The following GPM6A variants were observed in gnomAD, a reference collection of about 807,000 sequenced individuals.
GPM6A encodes glycoprotein M6A, also known as neuronal membrane glycoprotein M6-a.
Under a neutral mutation model 32.1 loss-of-function variants are expected in GPM6A, and 7 were observed. The observed-to-expected ratio is 0.22, with a 90% confidence interval of 0.12 to 0.41. The LOEUF (loss-of-function observed/expected upper bound fraction) is 0.41. GPM6A is among the 10% of genes least tolerant of loss of function. GPM6A has a pLI of 1.00. For synonymous variants in GPM6A, 130 were observed against 123.4 expected, an observed-to-expected ratio of 1.05 and a Z score of -0.35; for missense variants, 235 against 347.2, an observed-to-expected ratio of 0.68 and a Z score of 2.57.
rs114223045 is a variant in GPM6A at position 175,940,951 on chromosome 4, A to G, written c.-23+61358T>C. ...TGGCACAGTTAAGTTAGAAATACTG[A>G]AATAGGAGCTAAAAAGCCAGATTAA... is the stretch of plus-strand genomic sequence containing the variant. On this transcript the variant is annotated intron_variant, in intron 1 of 7. Transcript: ENST00000280187. Among the ~76,000 whole-genome samples the G allele has an allele frequency of 3.7e-3, 567 of 152,350 alleles. 6 individuals are homozygous for G. Among genetic ancestry groups the G allele is most frequent in the African/African-American group, 0.013 (548 of 41,570 alleles).
intron 6 of GPM6A, among the ~76,000 whole-genome samples, chr4:175,637,437 A>T (rs1397816073): frequency 1.3e-4 from 11 of 84,620 alleles, no homozygotes; most frequent in African/African-American, 5.1e-4. Context: ...TATATATATA[A>T]AAATATATGG....
upstream of GPM6A, chr4:175,812,306 T>TTTG (rs1734959011): frequency 4.8e-6 from 5 of 1,039,334 alleles, 1 homozygote; most frequent in African/African-American, 1.3e-4. Context: ...TGGGGGTTTT[T>TTTG]TTTTTTTTTT....
chr4:175,934,762 T>A (rs1476738970), intron 1 of GPM6A, among the ~76,000 whole-genome samples: 2 of 152,242 alleles, frequency 1.3e-5, no homozygotes, highest in African/African-American at 4.8e-5. Context: ...CTTCCATTTA[T>A]AATGCTGAAG....
chr4:175,711,804 C>A (rs1043249389), intron 1 of GPM6A, among the ~76,000 whole-genome samples: 15 of 151,920 alleles, frequency 9.9e-5, no homozygotes, highest in African/African-American at 3.4e-4. Flanking sequence ...TAGCAGGACT[C>A]CATCTCACTT....
chr4:175,902,901 T>C (rs1738012251), intron 1 of GPM6A, among the ~76,000 whole-genome samples: 1 of 152,218 alleles, frequency 6.6e-6, no homozygotes, highest in East Asian at 1.9e-4. Context: ...TCCGTTATGA[T>C]TCCATTTTTA....
intron 1 of GPM6A, among the ~76,000 whole-genome samples, chr4:175,842,306 G>A (rs1735961654): frequency 6.6e-6 from 1 of 152,052 alleles, no homozygotes; most frequent in Non-Finnish European, 1.5e-5. Flanking sequence ...AGATTTTAAA[G>A]GTGTTACTAT....
intron 1 of GPM6A, among the ~76,000 whole-genome samples, chr4:175,874,339 T>A (rs1684826987): frequency 6.6e-6 from 1 of 152,188 alleles, no homozygotes; most frequent in Non-Finnish European, 1.5e-5. Flanking sequence ...TTGAATGTAA[T>A]GCTGCAAAAG....
At chr4:175,831,349 T>C (rs568903371) in intron 1 of GPM6A, among the ~76,000 whole-genome samples, 1 of 152,330 alleles carries the variant, frequency 6.6e-6, no homozygotes, top group East Asian at 1.9e-4. Flanking sequence ...AACATTGACT[T>C]CTTCGGTACA....
intron 1 of GPM6A, among the ~76,000 whole-genome samples, chr4:175,725,337 G>T (rs1746350040): frequency 6.6e-6 from 1 of 150,790 alleles, no homozygotes; most frequent in African/African-American, 2.4e-5. Flanking sequence ...TGTCACCCAG[G>T]CTGGAGTGCA....
chr4:175,970,522 C>G (rs1469538790), intron 1 of GPM6A, among the ~76,000 whole-genome samples: 2 of 152,072 alleles, frequency 1.3e-5, no homozygotes, highest in African/African-American at 2.4e-5. Context: ...AAATAGAGGG[C>G]TACAAGGAAT....
rs562175313 is a variant in GPM6A at position 175,658,183 on chromosome 4, A to T, written c.388-6196T>A. ...AAGCCAAAATGTCCTTCAGTAGATA[A>T]ACAGATATATAAACCCCAGCACATC... On this transcript the variant is annotated intron_variant, in intron 3 of 6. Transcript: ENST00000393658. Among the ~76,000 whole-genome samples the T allele has an allele frequency of 5.3e-5, 8 of 152,306 alleles. No homozygotes were observed. In the East Asian group the frequency reaches 1.5e-3, roughly 29 times the overall value.
intron 1 of GPM6A, among the ~76,000 whole-genome samples, chr4:175,782,487 T>C (rs1733648782): frequency 6.6e-6 from 1 of 152,146 alleles, no homozygotes; most frequent in Non-Finnish European, 1.5e-5. Context: ...TCCCCTTACA[T>C]ATCTCTAATA....
At chr4:175,914,620 C>A (rs1738430938) in intron 1 of GPM6A, among the ~76,000 whole-genome samples, 1 of 152,012 alleles carries the variant, frequency 6.6e-6, no homozygotes, top group Non-Finnish European at 1.5e-5. Flanking sequence ...ACCGCGTCCG[C>A]CTGCAAATCT....
chr4:175,948,316 C>T (rs2126366136), intron 1 of GPM6A, among the ~76,000 whole-genome samples: 1 of 152,212 alleles, frequency 6.6e-6, no homozygotes, highest in South Asian at 2.1e-4. Context: ...AATTAGTTTC[C>T]ATAAGAAAAG....
chr4:175,981,221 AG>A (rs1162942671), intron 1 of GPM6A, among the ~76,000 whole-genome samples: 6 of 152,194 alleles, frequency 3.9e-5, no homozygotes, highest in African/African-American at 4.8e-5. Flanking sequence ...AAATCAACCA[AG>A]GGCAAAGTTT....
intron 1 of GPM6A, among the ~76,000 whole-genome samples, chr4:175,974,250 T>C (rs949705993): frequency 8.6e-5 from 13 of 151,936 alleles, no homozygotes; most frequent in African/African-American, 3.1e-4. Context: ...AATAAATAAA[T>C]AAAAATAAAA....
At chr4:175,954,381 C>T (rs1739916829) in intron 1 of GPM6A, among the ~76,000 whole-genome samples, 1 of 152,148 alleles carries the variant, frequency 6.6e-6, no homozygotes, top group African/African-American at 2.4e-5. Flanking sequence ...GTGCGAAACC[C>T]GGCTCAAGCA....
chr4:175,960,080 A>G (rs918629952), intron 1 of GPM6A, among the ~76,000 whole-genome samples: 1 of 152,196 alleles, frequency 6.6e-6, no homozygotes, highest in African/African-American at 2.4e-5. Flanking sequence ...TCCTCATTGA[A>G]TAGGACCAAA....
intron 1 of GPM6A, among the ~76,000 whole-genome samples, chr4:175,883,650 C>T (rs1737352927): frequency 6.6e-6 from 1 of 152,118 alleles, no homozygotes; most frequent in Admixed American, 6.5e-5. Context: ...AAATCATCTT[C>T]CTTTAATATC....
Sources: gnomAD v4.1 joint callset for allele counts (sites outside exome capture counted in the v4.1 genomes callset) on GRCh38, gnomAD v4.1.1 for gene constraint, MANE v1.5 for transcripts, NCBI Gene and HGNC (gene_info 2026-07-23, HGNC 2026-07-21) for gene names.